TTLL5: variants seen among roughly 807,000 people sequenced by gnomAD.
TTLL5 encodes the protein tubulin tyrosine ligase like 5.
Under a neutral mutation model 168.4 loss-of-function variants are expected in TTLL5, and 132 were observed. That is an observed-to-expected ratio of 0.78 (90% CI 0.68 to 0.91). The LOEUF is 0.91. Among genes scored for constraint, TTLL5 ranks in the 40% least tolerant of loss-of-function variants. TTLL5 has a pLI of 0.00. For missense variants in TTLL5, 1,545 were observed against 1,581.5 expected (o/e 0.98, Z 0.39); for synonymous variants, 546 against 558.6 (o/e 0.98, Z 0.32).
rs1456327447 is a variant in TTLL5, at chr14:75,707,718, G to A, written c.740+11G>A. On this transcript the variant is annotated intron_variant, in intron 9 of 31. Coordinates refer to ENST00000298832, the MANE Select transcript of TTLL5 (RefSeq NM_015072.5). Reference sequence around the variant, plus strand: ...AGAAGGATTGGCTAGGTAAGAAGCTGTTTGGGGGTGAAGGGGTTGGGTGGG... The same window carrying A: ...AGAAGGATTGGCTAGGTAAGAAGCTATTTGGGGGTGAAGGGGTTGGGTGGG... The A allele has an allele frequency of 5.0e-6, 6 of 1,208,836 alleles. No homozygotes were observed. The highest frequency in any genetic ancestry group is 5.9e-6 in the Non-Finnish European group (5 of 846,850). The allele number at this position is 1,208,836 out of a possible 1,614,324, so 74.9% of individuals were successfully genotyped here. A position where few individuals can be genotyped will look rare whatever the true frequency, so the allele number is the denominator to read the frequency against.
chr14:75,883,845 A>G (rs909665859), intron 30 of TTLL5, among the ~76,000 whole-genome samples: 2 of 152,222 alleles, frequency 1.3e-5, no homozygotes, highest in Non-Finnish European at 2.9e-5. Flanking sequence ...GGGCAGTAGG[A>G]AGGCTGCAGT....
At chr14:75,818,147 C>A (rs1490135168) in intron 27 of TTLL5, among the ~76,000 whole-genome samples, 1 of 151,874 alleles carries the variant, frequency 6.6e-6, no homozygotes, top group Non-Finnish European at 1.5e-5. Context: ...CCCATTCTTT[C>A]TTTTCTGATT....
In TTLL5 at chr14:75,926,555, A is replaced by C. The variant is rs373393902; in HGVS notation, c.3823+24331A>C. ...TTTCTCCAAAAAAGATATACAAATG[A>C]CCAATGAAAAGATGCATCATTAGTC... On this transcript the variant is annotated intron_variant, in intron 31 of 31. Transcript: ENST00000298832. Among the ~76,000 whole-genome samples the C allele has an allele frequency of 1.3e-3, 205 of 152,352 alleles. 4 individuals are homozygous for C. The South Asian group carries it at 0.026, about 20-fold the overall frequency.
At position 75,743,783 on chromosome 14, in the gene TTLL5, G is replaced by A. The variant is rs147218351; in HGVS notation, c.1282-1312G>A. On this transcript the variant is annotated intron_variant, in intron 15 of 31. Coordinates refer to ENST00000298832, the MANE Select transcript of TTLL5 (RefSeq NM_015072.5). ...TTTTTAGTAGAGATGGGGTTTCACC[G>A]TGTTAGCCAGGATGGTCTCAATCTC... Among the ~76,000 whole-genome samples the A allele has an allele frequency of 3.5e-4, 53 of 151,752 alleles. No homozygotes were observed. The East Asian group carries it at 6.4e-3, about 18-fold the overall frequency.
intron 31 of TTLL5, among the ~76,000 whole-genome samples, chr14:75,932,251 C>T (rs1595293983): frequency 6.6e-6 from 1 of 152,306 alleles, no homozygotes; most frequent in East Asian, 1.9e-4. Context: ...TATTCTACTT[C>T]ATTCATCCAG....
At chr14:75,787,586 T>C (rs1324756508) in intron 26 of TTLL5, among the ~76,000 whole-genome samples, 2 of 152,192 alleles carry the variant, frequency 1.3e-5, no homozygotes, top group Non-Finnish European at 2.9e-5. Flanking sequence ...CTATTAATTA[T>C]TAATACACTA....
At chr14:75,715,755 G>A (rs143010458) in intron 9 of TTLL5, among the ~76,000 whole-genome samples, 1 of 151,682 alleles carries the variant, frequency 6.6e-6, no homozygotes, top group African/African-American at 2.4e-5. Context: ...CCTTGCTGGG[G>A]TTCAGAATAA....
Position 75,935,371 on chromosome 14 carries a change from G to A in TTLL5, c.3824-19053G>A, listed in dbSNP as rs529655059. ...TAATAACATCTCCACGTATTCAGCT[G>A]CAATAATTTAGCTCCTGCTTCATTG... On this transcript the variant is annotated intron_variant, in intron 31 of 31. Coordinates refer to ENST00000298832, the MANE Select transcript of TTLL5 (RefSeq NM_015072.5). 3.9e-5 allele frequency among the ~76,000 whole-genome samples: 6 copies of A among 152,340 alleles called. No homozygotes were observed. The South Asian group carries it at 1.2e-3, about 32-fold the overall frequency.
chr14:75,870,513 G>A (rs1437152812), intron 29 of TTLL5, among the ~76,000 whole-genome samples: 1 of 152,088 alleles, frequency 6.6e-6, no homozygotes, highest in Admixed American at 6.6e-5. Flanking sequence ...ATTAAGTAAT[G>A]GGTTTAGCAC....
At chr14:75,781,040 A>T (rs1290220436) in intron 24 of TTLL5, among the ~76,000 whole-genome samples, 1 of 152,178 alleles carries the variant, frequency 6.6e-6, no homozygotes, top group African/African-American at 2.4e-5. Flanking sequence ...CTCCTATAAG[A>T]GTTTTGGCTA....
chr14:75,743,189 A>T (rs187443106), intron 15 of TTLL5, among the ~76,000 whole-genome samples: 2 of 152,228 alleles, frequency 1.3e-5, no homozygotes, highest in African/African-American at 4.8e-5. Context: ...CGTTTTCTTG[A>T]TATAGATATC....
Position 75,949,546 on chromosome 14 carries a change from G to A in TTLL5, c.3824-4878G>A, listed in dbSNP as rs111801611. Among the ~76,000 whole-genome samples, 956 of 151,066 alleles carry A rather than the reference G, an allele frequency of 6.3e-3. 9 individuals are homozygous for A. The highest frequency in any genetic ancestry group is 0.02 in the African/African-American group (838 of 41,238). ...AATTAATGGAGAGACCTACATGTTC[G>A]TGGATTAAAAGTTACAGTTTGTAGC... On this transcript the variant is annotated intron_variant, in intron 31 of 31. Transcript: ENST00000298832.
intron 29 of TTLL5, among the ~76,000 whole-genome samples, chr14:75,869,063 T>TGTGTGTGTGTGTGTGTGTGTGTG (rs58193518): frequency 2.0e-5 from 3 of 148,474 alleles, no homozygotes; most frequent in Admixed American, 6.8e-5. Flanking sequence ...TGTGTGTGTG[T>TGTGTGTGTGTGTGTGTGTGTGTG]TTAAGTTCCA....
At chr14:75,917,495 C>T (rs1306266819) in intron 31 of TTLL5, among the ~76,000 whole-genome samples, 1 of 152,224 alleles carries the variant, frequency 6.6e-6, no homozygotes, top group Non-Finnish European at 1.5e-5. Flanking sequence ...CTCCGCCTCC[C>T]TGCAGTGTCT....
At chr14:75,721,550 G>A (rs1887837201) in intron 12 of TTLL5, among the ~76,000 whole-genome samples, 1 of 152,176 alleles carries the variant, frequency 6.6e-6, no homozygotes, top group Non-Finnish European at 1.5e-5. Context: ...GGGAAATAAA[G>A]AATATGGGTT....
At chr14:75,865,166 T>A (rs1389530470) in intron 29 of TTLL5, among the ~76,000 whole-genome samples, 2 of 152,202 alleles carry the variant, frequency 1.3e-5, no homozygotes, top group Non-Finnish European at 2.9e-5. Context: ...CATGTAAAAT[T>A]TTCTTCATTT....
intron 31 of TTLL5, among the ~76,000 whole-genome samples, chr14:75,908,222 G>A (rs2033226072): frequency 6.6e-6 from 1 of 152,264 alleles, no homozygotes; most frequent in Non-Finnish European, 1.5e-5. Context: ...GAGTGGATCA[G>A]AGGGTCTCAG....
intron 28 of TTLL5, among the ~76,000 whole-genome samples, chr14:75,857,754 C>A (rs191773460): frequency 6.6e-6 from 1 of 151,548 alleles, no homozygotes; most frequent in African/African-American, 2.4e-5. Flanking sequence ...CAGGTTCAAG[C>A]GATTCTCCTG....
intron 12 of TTLL5, among the ~76,000 whole-genome samples, chr14:75,722,253 CT>C (rs891851557): frequency 4.7e-5 from 7 of 148,630 alleles, no homozygotes; most frequent in Admixed American, 6.7e-5. Flanking sequence ...TCATGCTGTT[CT>C]TTTTTTTTTG....
Sources: allele counts gnomAD v4.1 joint callset (sites outside exome capture counted in the v4.1 genomes callset), GRCh38; gene constraint gnomAD v4.1.1; transcripts MANE v1.5; gene names NCBI Gene and HGNC (gene_info 2026-07-23, HGNC 2026-07-21).